PRKG1: variants seen among roughly 807,000 people sequenced by gnomAD.
PRKG1 encodes cGMP-dependent protein kinase 1.
PRKG1 carries 35 observed loss-of-function variants against 88.1 expected under a neutral mutation model. The observed-to-expected ratio is 0.40, with a 90% CI of 0.30 to 0.53. The LOEUF (loss-of-function observed/expected upper bound fraction) is 0.53. Among genes scored for constraint, PRKG1 ranks in the 20% least tolerant of loss-of-function variants. The probability of loss-of-function intolerance (pLI) is 0.59; values close to 1 mark genes in which losing one functional copy is unlikely to be tolerated. For synonymous variants in PRKG1, 303 were observed against 292.5 expected, an observed-to-expected ratio of 1.04 and a Z score of -0.37; for missense variants, 540 against 839.8, an observed-to-expected ratio of 0.64 and a Z score of 4.41.
chr10:51,837,265 T>A (rs113689804), intron 4 of PRKG1, among the ~76,000 whole-genome samples: 3,053 of 152,180 alleles, frequency 0.02, 91 homozygotes, highest in African/African-American at 0.067. Flanking sequence ...TTTTATAAAG[T>A]TTTTTCTAAA....
At chr10:51,267,556 T>C (rs1037452255) in intron 2 of PRKG1, among the ~76,000 whole-genome samples, 1 of 152,108 alleles carries the variant, frequency 6.6e-6, no homozygotes, top group Non-Finnish European at 1.5e-5. Flanking sequence ...AAACATAAAG[T>C]GGAAAAAAGA....
At chr10:52,061,152 G>A (rs1293983551) in intron 6 of PRKG1, among the ~76,000 whole-genome samples, 2 of 151,966 alleles carry the variant, frequency 1.3e-5, no homozygotes, top group African/African-American at 2.4e-5. Context: ...CAGAGACACA[G>A]AGACACAGCT....
chr10:51,944,631 T>A (rs1368882277), intron 5 of PRKG1, among the ~76,000 whole-genome samples: 1 of 152,098 alleles, frequency 6.6e-6, no homozygotes, highest in African/African-American at 2.4e-5. Context: ...TTTGAATGTG[T>A]CCCAGAGATT....
chr10:52,067,122 T>G (rs1846373453), intron 7 of PRKG1, among the ~76,000 whole-genome samples: 1 of 152,220 alleles, frequency 6.6e-6, no homozygotes, highest in African/African-American at 2.4e-5. Flanking sequence ...GAAATTGATA[T>G]AACTTTGATA....
intron 3 of PRKG1, among the ~76,000 whole-genome samples, chr10:51,681,790 T>G (rs1168344565): frequency 1.3e-5 from 2 of 152,180 alleles, no homozygotes; most frequent in African/African-American, 4.8e-5. Context: ...ATTAATTAAA[T>G]CATAACATTT....
intron 1 of PRKG1, among the ~76,000 whole-genome samples, chr10:51,021,593 A>T (rs1218461785): frequency 6.6e-6 from 1 of 152,202 alleles, no homozygotes; most frequent in Non-Finnish European, 1.5e-5. Flanking sequence ...GACTGTGTGG[A>T]GTAGATAAAA....
chr10:52,143,073 G>A (rs1837627999), intron 8 of PRKG1, among the ~76,000 whole-genome samples: 1 of 152,110 alleles, frequency 6.6e-6, no homozygotes, highest in African/African-American at 2.4e-5. Flanking sequence ...AACTATAATA[G>A]GGGACTGGAA....
chr10:51,240,797 A>G (rs1206117108), intron 2 of PRKG1, among the ~76,000 whole-genome samples: 1 of 152,200 alleles, frequency 6.6e-6, no homozygotes, highest in Admixed American at 6.5e-5. Context: ...TTAAAGGAAT[A>G]AAAGGCTGGG....
chr10:51,788,001 A>T (rs1838770494), intron 3 of PRKG1, among the ~76,000 whole-genome samples: 1 of 152,140 alleles, frequency 6.6e-6, no homozygotes, highest in African/African-American at 2.4e-5. Flanking sequence ...TGAGCAAGTC[A>T]TTAGGGAGAC....
At chr10:51,801,094 A>G (rs1467979043) in intron 3 of PRKG1, among the ~76,000 whole-genome samples, 2 of 152,068 alleles carry the variant, frequency 1.3e-5, no homozygotes, top group Admixed American at 6.6e-5. Flanking sequence ...AGCTTACCCC[A>G]TGGTAGCATT....
intron 3 of PRKG1, among the ~76,000 whole-genome samples, chr10:51,528,185 A>G (rs1237348263): frequency 1.3e-5 from 2 of 152,220 alleles, no homozygotes; most frequent in African/African-American, 4.8e-5. Context: ...CCACCACAAC[A>G]GTGAGCTAGA....
At chr10:51,782,827 GCC>G (rs1171858365) in intron 3 of PRKG1, among the ~76,000 whole-genome samples, 1 of 152,116 alleles carries the variant, frequency 6.6e-6, no homozygotes, top group Non-Finnish European at 1.5e-5. Flanking sequence ...GCCTTCCCCA[GCC>G]ATATGGAACT....
chr10:51,481,314 CT>C (rs1840352116), intron 3 of PRKG1, among the ~76,000 whole-genome samples: 1 of 151,844 alleles, frequency 6.6e-6, no homozygotes, highest in Non-Finnish European at 1.5e-5. Context: ...GTGGCATGAT[CT>C]CAGCTCACTG....
intron 2 of PRKG1, among the ~76,000 whole-genome samples, chr10:51,282,503 A>G (rs1406684435): frequency 6.6e-6 from 1 of 152,214 alleles, no homozygotes; most frequent in East Asian, 1.9e-4. Context: ...TTTAAGAACC[A>G]GGGAGAGGAG....
rs183969906 is a variant in PRKG1, at chr10:51,060,138, G to C, written c.266+68494G>C. On this transcript the variant is annotated intron_variant, in intron 1 of 17. Coordinates refer to the PRKG1 transcript ENST00000401604. ...GTAGAGCTATATCAACTTTCTTTTGGTTTGTGTTTGGATTATATTTACCAT... is the reference window on the plus strand; with the variant it reads ...GTAGAGCTATATCAACTTTCTTTTGCTTTGTGTTTGGATTATATTTACCAT... 2.7e-4 allele frequency among the ~76,000 whole-genome samples: 41 copies of C among 151,836 alleles called. No individual in the cohort carries two copies. In the East Asian group the frequency reaches 7.7e-3, roughly 29 times the overall value.
chr10:51,222,727 G>A (rs1838581021), intron 2 of PRKG1, among the ~76,000 whole-genome samples: 1 of 151,940 alleles, frequency 6.6e-6, no homozygotes, highest in Non-Finnish European at 1.5e-5. Flanking sequence ...TATTAGGGTG[G>A]CCACCATAAG....
At chr10:51,280,062 A>T (rs1840248737) in intron 2 of PRKG1, among the ~76,000 whole-genome samples, 1 of 152,148 alleles carries the variant, frequency 6.6e-6, no homozygotes, top group South Asian at 2.1e-4. Flanking sequence ...CTTGTAGGGC[A>T]GGCCTGGTGG....
At chr10:51,001,110 TCCTCCTTCAGATTTATAAA>T (rs1181322681) in intron 1 of PRKG1, among the ~76,000 whole-genome samples, 2 of 152,212 alleles carry the variant, frequency 1.3e-5, no homozygotes. Context: ...TTGACTCTCA[TCCTCCTTCAGATTTATAAA>T]CTCTCTTGCC....
chr10:51,722,022 G>C (rs1842025320), intron 3 of PRKG1, among the ~76,000 whole-genome samples: 1 of 152,164 alleles, frequency 6.6e-6, no homozygotes, highest in South Asian at 2.1e-4. Flanking sequence ...AAGAGGTCAG[G>C]AGTTCAAGAC....
Sources: gnomAD v4.1 joint callset for allele counts (sites outside exome capture counted in the v4.1 genomes callset) on GRCh38, gnomAD v4.1.1 for gene constraint, MANE v1.5 for transcripts, NCBI Gene and HGNC (gene_info 2026-07-23, HGNC 2026-07-21) for gene names.